The following FRMD4B variants were observed in gnomAD, a reference collection of about 807,000 sequenced individuals.
FRMD4B encodes FERM domain-containing protein 4B.
In FRMD4B, 74 loss-of-function variants were observed where a neutral mutation model predicts 141.5. The ratio of observed to expected loss-of-function variants is 0.52; its 90% CI spans 0.43 to 0.63. The LOEUF is 0.63. Among genes scored for constraint, FRMD4B ranks in the 30% least tolerant of loss-of-function variants. The probability of loss-of-function intolerance (pLI) is 0.00; values close to 1 mark genes in which losing one functional copy is unlikely to be tolerated. For synonymous variants in FRMD4B, 506 were observed against 467.9 expected, an observed-to-expected ratio of 1.08 and a Z score of -1.05; for missense variants, 1,366 against 1,253.4, an observed-to-expected ratio of 1.09 and a Z score of -1.36.
chr3:69,308,805 A>G (rs747700771), intron 3 of FRMD4B, among the ~76,000 whole-genome samples: 8 of 151,810 alleles, frequency 5.3e-5, no homozygotes, highest in South Asian at 2.1e-4. Context: ...GGACTTTTGC[A>G]CTGGTTTTTG....
At chr3:69,405,331 G>A (rs1438940599) in intron 2 of FRMD4B, among the ~76,000 whole-genome samples, 2 of 152,212 alleles carry the variant, frequency 1.3e-5, no homozygotes, top group African/African-American at 4.8e-5. Context: ...AGGAAAGAGA[G>A]CTCTTCGCTG....
intron 1 of FRMD4B, among the ~76,000 whole-genome samples, chr3:69,382,624 A>C (rs1704143434): frequency 6.6e-6 from 1 of 151,962 alleles, no homozygotes; most frequent in African/African-American, 2.4e-5. Flanking sequence ...TTTCACTCTC[A>C]TTGAGAATGC....
intron 5 of FRMD4B, among the ~76,000 whole-genome samples, chr3:69,255,797 C>T (rs2093488871): frequency 1.3e-5 from 2 of 152,108 alleles, no homozygotes; most frequent in African/African-American, 4.8e-5. Flanking sequence ...CTCTCTTTCT[C>T]TGGGGGCAAA....
At chr3:69,524,994 G>A (rs1469191281) in intron 1 of FRMD4B, among the ~76,000 whole-genome samples, 1 of 152,176 alleles carries the variant, frequency 6.6e-6, no homozygotes, top group Non-Finnish European at 1.5e-5. Context: ...GAAGAGCTGG[G>A]CACTGCCCAA....
intron 5 of FRMD4B, among the ~76,000 whole-genome samples, chr3:69,270,339 T>C (rs1050836982): frequency 2.6e-5 from 4 of 152,228 alleles, no homozygotes; most frequent in Non-Finnish European, 4.4e-5. Flanking sequence ...CTTAGGGCTC[T>C]TAGGCATGTG....
At chr3:69,175,424 C>T (rs544426617) in intron 22 of FRMD4B, among the ~76,000 whole-genome samples, 1 of 152,292 alleles carries the variant, frequency 6.6e-6, no homozygotes, top group Admixed American at 6.5e-5. Flanking sequence ...TAACAAATTG[C>T]TCTTGTACAT....
chr3:69,262,986 C>T (rs929717482), intron 5 of FRMD4B, among the ~76,000 whole-genome samples: 29 of 152,104 alleles, frequency 1.9e-4, no homozygotes, highest in African/African-American at 6.3e-4. Context: ...AGGCTGGGCA[C>T]GGTGGCTCAC....
chr3:69,393,312 T>C (rs1013967277), intron 2 of FRMD4B, among the ~76,000 whole-genome samples: 1 of 141,540 alleles, frequency 7.1e-6, no homozygotes, highest in Non-Finnish European at 1.5e-5. Flanking sequence ...ATGCTATCTA[T>C]ATTGTCTGAA....
At chr3:69,212,351 C>A (rs1325076388) in intron 11 of FRMD4B, among the ~76,000 whole-genome samples, 2 of 67,214 alleles carry the variant, frequency 3.0e-5, no homozygotes, top group Non-Finnish European at 5.9e-5. Flanking sequence ...CAGAGCGAAA[C>A]CCCGTCTCAA....
chr3:69,240,065 C>G (rs1184699040), intron 7 of FRMD4B, among the ~76,000 whole-genome samples: 1 of 149,954 alleles, frequency 6.7e-6, no homozygotes, highest in Non-Finnish European at 1.5e-5. Flanking sequence ...AACACACACA[C>G]ACACACACAC....
chr3:69,275,289 CGTT>C (rs2093612615), intron 5 of FRMD4B, among the ~76,000 whole-genome samples: 1 of 152,068 alleles, frequency 6.6e-6, no homozygotes, highest in Non-Finnish European at 1.5e-5. Flanking sequence ...AAAAAAACGT[CGTT>C]GTCTTTAGTA....
intron 1 of FRMD4B, among the ~76,000 whole-genome samples, chr3:69,471,063 A>G (rs1422523943): frequency 6.6e-6 from 1 of 152,216 alleles, no homozygotes; most frequent in Non-Finnish European, 1.5e-5. Flanking sequence ...GAAATTGCCC[A>G]TGGCATAAGA....
intron 11 of FRMD4B, among the ~76,000 whole-genome samples, chr3:69,212,738 C>G (rs1045399394): frequency 3.3e-5 from 5 of 152,196 alleles, no homozygotes; most frequent in Admixed American, 2.6e-4. Context: ...CTGCTGGAAG[C>G]TCAATCTTAT....
chr3:69,271,144 A>C (rs2093592684), intron 5 of FRMD4B, among the ~76,000 whole-genome samples: 1 of 152,220 alleles, frequency 6.6e-6, no homozygotes, highest in Non-Finnish European at 1.5e-5. Context: ...TATCAGTAGT[A>C]GGCTTAAATG....
intron 7 of FRMD4B, among the ~76,000 whole-genome samples, chr3:69,227,604 G>A (rs1008931468): frequency 1.8e-4 from 27 of 151,772 alleles, no homozygotes; most frequent in African/African-American, 5.8e-4. Flanking sequence ...GGAAGTTGCA[G>A]TGAGCCGAGA....
At chr3:69,427,643 G>GGTTTT (rs1705105763) in intron 2 of FRMD4B, among the ~76,000 whole-genome samples, 1 of 36,238 alleles carries the variant, frequency 2.8e-5, no homozygotes, top group African/African-American at 1.1e-4. Flanking sequence ...CTAGGTAAAT[G>GGTTTT]TTTTTTTTTT....
At chr3:69,519,268 G>A (rs545410505) in intron 1 of FRMD4B, among the ~76,000 whole-genome samples, 1 of 152,288 alleles carries the variant, frequency 6.6e-6, no homozygotes, top group Non-Finnish European at 1.5e-5. Flanking sequence ...AATTAGCCAA[G>A]TGGAGTGTGA....
chr3:69,179,338 C>T (rs180800804), intron 21 of FRMD4B, among the ~76,000 whole-genome samples: 24 of 152,316 alleles, frequency 1.6e-4, no homozygotes, highest in African/African-American at 5.8e-4. Flanking sequence ...CATCCACATG[C>T]ATCTCAGCCC....
chr3:69,496,282 T>C (rs1017206152), intron 1 of FRMD4B, among the ~76,000 whole-genome samples: 7 of 152,174 alleles, frequency 4.6e-5, no homozygotes, highest in Admixed American at 4.6e-4. Context: ...TTTAGAGGTT[T>C]TGTTATTTCA....
Sources: gnomAD v4.1 joint callset for allele counts (sites outside exome capture counted in the v4.1 genomes callset) on GRCh38, gnomAD v4.1.1 for gene constraint, MANE v1.5 for transcripts, NCBI Gene and HGNC (gene_info 2026-07-23, HGNC 2026-07-21) for gene names.